CDKAL1: variants seen among roughly 807,000 people sequenced by gnomAD.
The protein encoded by CDKAL1 is CDKAL1 threonylcarbamoyladenosine tRNA methylthiotransferase.
In CDKAL1, 32 loss-of-function variants were observed where a neutral mutation model predicts 68.2. The ratio of observed to expected loss-of-function variants is 0.47; its 90% CI spans 0.35 to 0.63. The LOEUF (loss-of-function observed/expected upper bound fraction) is 0.63. CDKAL1 is among the 30% of genes least tolerant of loss of function. The probability of loss-of-function intolerance (pLI) is 0.00; values close to 1 mark genes in which losing one functional copy is unlikely to be tolerated. For missense variants in CDKAL1, 606 were observed against 696.7 expected (o/e 0.87, Z 1.47); for synonymous variants, 234 against 244.3 (o/e 0.96, Z 0.39).
At chr6:20,790,626 A>G (rs1775860212) in intron 8 of CDKAL1, among the ~76,000 whole-genome samples, 1 of 152,130 alleles carries the variant, frequency 6.6e-6, no homozygotes, top group South Asian at 2.1e-4. Context: ...CACTCGGTCC[A>G]CCTGTGCTAT....
chr6:21,170,843 G>T (rs1002543504), intron 13 of CDKAL1, among the ~76,000 whole-genome samples: 2 of 152,134 alleles, frequency 1.3e-5, no homozygotes, highest in Non-Finnish European at 2.9e-5. Context: ...AGTTGGTACT[G>T]TTAGGCTATT....
At chr6:20,828,521 G>T (rs1273660214) in intron 8 of CDKAL1, among the ~76,000 whole-genome samples, 1 of 152,104 alleles carries the variant, frequency 6.6e-6, no homozygotes, top group Non-Finnish European at 1.5e-5. Context: ...GAGCCACTGT[G>T]CTTGGCTGTG....
intron 5 of CDKAL1, among the ~76,000 whole-genome samples, chr6:20,727,527 G>A (rs1191690892): frequency 6.6e-6 from 1 of 152,118 alleles, no homozygotes; most frequent in Non-Finnish European, 1.5e-5. Context: ...GGACTAAAAA[G>A]GGTACAGTAA....
chr6:21,189,028 A>T (rs974449654), intron 13 of CDKAL1, among the ~76,000 whole-genome samples: 1 of 152,152 alleles, frequency 6.6e-6, no homozygotes, highest in Non-Finnish European at 1.5e-5. Flanking sequence ...CGATCAGCAG[A>T]TGAAAATAGC....
intron 5 of CDKAL1, among the ~76,000 whole-genome samples, chr6:20,737,762 T>C (rs968702506): frequency 6.6e-6 from 1 of 152,242 alleles, no homozygotes; most frequent in Non-Finnish European, 1.5e-5. Flanking sequence ...GATTTGTTTT[T>C]ATTTCGTTAA....
intron 9 of CDKAL1, among the ~76,000 whole-genome samples, chr6:20,866,129 A>G (rs1759895005): frequency 6.6e-6 from 1 of 152,200 alleles, no homozygotes; most frequent in Admixed American, 6.5e-5. Context: ...AAACCAGGTC[A>G]GACGCCCTTG....
chr6:20,791,283 G>A (rs1775887666), intron 8 of CDKAL1, among the ~76,000 whole-genome samples: 1 of 152,184 alleles, frequency 6.6e-6, no homozygotes. Flanking sequence ...CTGGCACATA[G>A]TATCTGTTCA....
intron 15 of CDKAL1, among the ~76,000 whole-genome samples, chr6:21,210,909 C>T (rs1779125832): frequency 1.3e-5 from 2 of 152,196 alleles, no homozygotes; most frequent in African/African-American, 4.8e-5. Flanking sequence ...AGAGGTGTCG[C>T]CTCTGCTCCA....
At chr6:20,903,273 T>A (rs1416215403) in intron 9 of CDKAL1, among the ~76,000 whole-genome samples, 1 of 152,162 alleles carries the variant, frequency 6.6e-6, no homozygotes, top group Non-Finnish European at 1.5e-5. Context: ...CTGAGGATGT[T>A]AGTCTTTGAA....
Position 20,758,815 on chromosome 6 carries a change from G to A in CDKAL1, c.517+172G>A, listed in dbSNP as rs150490731. On this transcript the variant is annotated intron_variant, in intron 7 of 15. Coordinates refer to ENST00000274695, the MANE Select transcript of CDKAL1 (RefSeq NM_017774.3). ...TTTGCCAGTCTAATATTGGAGGCAG[G>A]CACTCGCTGTATATTTGTTTGGCTT... 4.0e-3 allele frequency among the ~76,000 whole-genome samples: 603 copies of A among 152,264 alleles called. 3 individuals are homozygous for A. Among genetic ancestry groups the A allele is most frequent in the African/African-American group, 0.014 (564 of 41,548 alleles).
intron 7 of CDKAL1, among the ~76,000 whole-genome samples, chr6:20,774,387 A>G (rs1581554068): frequency 1.3e-5 from 2 of 152,300 alleles, no homozygotes; most frequent in East Asian, 3.9e-4. Flanking sequence ...GTAGCTAGTT[A>G]TGTTTCTATC....
At chr6:20,946,910 C>A (rs908252273) in intron 9 of CDKAL1, among the ~76,000 whole-genome samples, 3 of 152,122 alleles carry the variant, frequency 2.0e-5, no homozygotes, top group African/African-American at 7.2e-5. Flanking sequence ...TCATCCATAC[C>A]TTTTATCTTG....
chr6:20,534,807 C>A (rs1180866991), intron 1 of CDKAL1, among the ~76,000 whole-genome samples: 1 of 152,172 alleles, frequency 6.6e-6, no homozygotes, highest in Non-Finnish European at 1.5e-5. Context: ...ATTTTAGGCA[C>A]CTCGTTCCTT....
intron 9 of CDKAL1, among the ~76,000 whole-genome samples, chr6:20,892,493 G>T (rs1198190557): frequency 1.3e-5 from 2 of 152,146 alleles, no homozygotes; most frequent in Non-Finnish European, 2.9e-5. Context: ...AATCCTTGGT[G>T]AGAGCATGTG....
intron 7 of CDKAL1, among the ~76,000 whole-genome samples, chr6:20,765,139 T>C: frequency 1.5e-5 from 1 of 68,158 alleles, no homozygotes; most frequent in South Asian, 9.1e-4. Context: ...AGGTAATGGT[T>C]ACATTCTTTT....
At chr6:20,983,961 A>G (rs781572635) in intron 10 of CDKAL1, among the ~76,000 whole-genome samples, 10 of 152,194 alleles carry the variant, frequency 6.6e-5, no homozygotes, top group African/African-American at 9.7e-5. Flanking sequence ...CTTGTGAGAG[A>G]CATTTGATTG....
chr6:20,998,032 A>G (rs1195222749), intron 10 of CDKAL1, among the ~76,000 whole-genome samples: 3 of 152,222 alleles, frequency 2.0e-5, no homozygotes, highest in Non-Finnish European at 4.4e-5. Flanking sequence ...AGATGAGAAG[A>G]AGGTACACAG....
chr6:20,964,655 A>G (rs955367607), intron 10 of CDKAL1, among the ~76,000 whole-genome samples: 1 of 152,104 alleles, frequency 6.6e-6, no homozygotes, highest in Non-Finnish European at 1.5e-5. Flanking sequence ...CACTGGGGCC[A>G]TGTGGGGTGG....
chr6:21,137,092 T>C lies in CDKAL1; in HGVS notation c.1299+28629T>C, dbSNP rs918539305. 7.3e-5 allele frequency among the ~76,000 whole-genome samples: 11 copies of C among 151,668 alleles called. 1 individual carries two copies. The highest frequency in any genetic ancestry group is 1.5e-4 in the Non-Finnish European group (10 of 67,944). The stretch of plus-strand genomic sequence containing the variant: ...CAGATTAGAATCAAAGAAGGAACTA[T>C]TGGGAGGAGAAGGGGGTTGGGACGG... On this transcript the variant is annotated intron_variant, in intron 13 of 15. Coordinates refer to ENST00000274695, the MANE Select transcript of CDKAL1 (RefSeq NM_017774.3).
Sources: gnomAD v4.1 joint callset for allele counts (sites outside exome capture counted in the v4.1 genomes callset) on GRCh38, gnomAD v4.1.1 for gene constraint, MANE v1.5 for transcripts, NCBI Gene and HGNC (gene_info 2026-07-23, HGNC 2026-07-21) for gene names.